The following SEM1 variants were observed in gnomAD, a reference collection of about 807,000 sequenced individuals.
The protein encoded by SEM1 is SEM1 26S proteasome subunit, also known as 26S proteasome complex subunit SEM1.
A neutral mutation model predicts 12.7 loss-of-function variants in SEM1; 3 were observed. That is an observed-to-expected ratio of 0.24 (90% CI 0.11 to 0.61). The LOEUF (loss-of-function observed/expected upper bound fraction) is 0.61. SEM1 is among the 20% of genes least tolerant of loss of function. SEM1 has a pLI of 0.88. For synonymous variants in SEM1, 30 were observed against 27.8 expected (o/e 1.08, Z -0.25); for missense variants, 59 against 81.3 (o/e 0.73, Z 1.06).
At chr7:96,668,926 C>A (rs1789238421), downstream of SEM1, among the ~76,000 whole-genome samples, 1 of 152,096 alleles carries the variant, frequency 6.6e-6, no homozygotes, top group Non-Finnish European at 1.5e-5. Flanking sequence ...GGGAGAATGC[C>A]ATGGGACAAC....
At chr7:96,691,518 A>G (rs10278521) in intron 2 of SEM1, among the ~76,000 whole-genome samples, 21,993 of 152,254 alleles carry the variant, frequency 0.14, 2,782 homozygotes, top group African/African-American at 0.34. Context: ...GATTCACACT[A>G]GAGTCTGAGA....
chr7:96,667,597 T>G (rs1484890325), intron 2 of SEM1, among the ~76,000 whole-genome samples: 1 of 151,976 alleles, frequency 6.6e-6, no homozygotes, highest in Non-Finnish European at 1.5e-5. Flanking sequence ...CGCTGGAGGT[T>G]CATTCAGGGA....
At chr7:96,629,628 G>T in intron 2 of SEM1, among the ~76,000 whole-genome samples, 1 of 152,046 alleles carries the variant, frequency 6.6e-6, no homozygotes, top group Non-Finnish European at 1.5e-5. Context: ...CTCCAGGATT[G>T]GTCCCTAGTG....
At chr7:96,624,671 C>T (rs1417609849) in intron 2 of SEM1, among the ~76,000 whole-genome samples, 4 of 152,042 alleles carry the variant, frequency 2.6e-5, no homozygotes, top group Non-Finnish European at 4.4e-5. Flanking sequence ...TCAGGATGTC[C>T]CCTTCCAACA....
intron 1 of SEM1, among the ~76,000 whole-genome samples, chr7:96,492,905 TTCAAA>T (rs1239651410): frequency 2.0e-5 from 3 of 152,078 alleles, no homozygotes; most frequent in Non-Finnish European, 4.4e-5. Flanking sequence ...CAAATATCTG[TTCAAA>T]TCCCTACTTT....
At chr7:96,704,920 G>A (rs191823640) in intron 1 of SEM1, among the ~76,000 whole-genome samples, 3 of 152,224 alleles carry the variant, frequency 2.0e-5, no homozygotes, top group African/African-American at 2.4e-5. Context: ...GTTCTTCCTC[G>A]TGCAGGCACA....
intron 2 of SEM1, among the ~76,000 whole-genome samples, chr7:96,689,270 T>C (rs1789855541): frequency 6.6e-6 from 1 of 152,172 alleles, no homozygotes; most frequent in East Asian, 1.9e-4. Flanking sequence ...ACTTTCCAAA[T>C]GCTATATGAA....
chr7:96,584,842 T>C (rs189867635), intron 2 of SEM1, among the ~76,000 whole-genome samples: 5 of 151,482 alleles, frequency 3.3e-5, no homozygotes, highest in Admixed American at 6.6e-5. Context: ...CACTTCTCTG[T>C]ATTGATTATT....
intron 2 of SEM1, among the ~76,000 whole-genome samples, chr7:96,507,463 T>A (rs1803790189): frequency 6.6e-6 from 1 of 151,780 alleles, no homozygotes; most frequent in Non-Finnish European, 1.5e-5. Flanking sequence ...ACATAACCAG[T>A]CTCCAACCTT....
At chr7:96,639,285 C>A (rs1355810159) in intron 2 of SEM1, among the ~76,000 whole-genome samples, 1 of 151,916 alleles carries the variant, frequency 6.6e-6, no homozygotes, top group East Asian at 1.9e-4. Flanking sequence ...TGAAAAAGAA[C>A]TAGAGAAGAA....
At chr7:96,647,380 T>C (rs1353591390) in intron 2 of SEM1, 1 of 152,216 alleles carries the variant, frequency 6.6e-6, no homozygotes, top group Admixed American at 6.5e-5. Flanking sequence ...CTTATCATAT[T>C]ATGAGACAAG....
In SEM1 at chr7:96,676,616, A is replaced by G. The variant is rs185922407; in HGVS notation, c.171-2757T>C. Among the ~76,000 whole-genome samples the G allele has an allele frequency of 1.9e-3, 287 of 152,316 alleles. 2 individuals carry two copies. The highest frequency in any genetic ancestry group is 2.1e-3 in the Non-Finnish European group (142 of 68,034). ...TTTCCTACAAGCTACATTTCTGCCA[A>G]TTTTATTGAGAGATATCACGGAACG... On this transcript the variant is annotated intron_variant, in intron 2 of 2. Coordinates refer to the SEM1 transcript ENST00000413065.
chr7:96,594,687 A>G (rs1055054896), intron 2 of SEM1, among the ~76,000 whole-genome samples: 4 of 152,220 alleles, frequency 2.6e-5, no homozygotes, highest in Non-Finnish European at 5.9e-5. Flanking sequence ...ATGTTTTGAA[A>G]TGCTTTAATA....
At chr7:96,522,722 A>AC (rs112781467) in intron 2 of SEM1, among the ~76,000 whole-genome samples, 35,662 of 119,518 alleles carry the variant, frequency 0.3, 5,064 homozygotes, top group Non-Finnish European at 0.36. Flanking sequence ...TACTAAAAAT[A>AC]CCCCCCCCCC....
At chr7:96,603,982 G>T (rs1307536181) in intron 2 of SEM1, among the ~76,000 whole-genome samples, 2 of 151,462 alleles carry the variant, frequency 1.3e-5, no homozygotes, top group Non-Finnish European at 2.9e-5. Context: ...CTTCATAACA[G>T]AATAAAAATA....
upstream of SEM1, among the ~76,000 whole-genome samples, chr7:96,497,792 T>G (rs1803350492): frequency 6.6e-6 from 1 of 152,064 alleles, no homozygotes; most frequent in African/African-American, 2.4e-5. Context: ...TTGCACCAGT[T>G]TAATGACCAA....
chr7:96,670,009 G>A (rs925723388), downstream of SEM1, among the ~76,000 whole-genome samples: 8 of 152,084 alleles, frequency 5.3e-5, no homozygotes, highest in Non-Finnish European at 8.8e-5. Context: ...CATGCCTGAG[G>A]CAACATGACT....
chr7:96,620,998 C>T (rs1301651277), downstream of SEM1, among the ~76,000 whole-genome samples: 7 of 152,098 alleles, frequency 4.6e-5, no homozygotes, highest in East Asian at 1.9e-4. Flanking sequence ...TCTTCCAGGA[C>T]GCCCTCTGAG....
chr7:96,559,447 A>G (rs927464336), intron 2 of SEM1, among the ~76,000 whole-genome samples: 3 of 151,942 alleles, frequency 2.0e-5, no homozygotes, highest in Non-Finnish European at 4.4e-5. Context: ...ACACCTGGCT[A>G]ATTTTTTGTA....
Sources: allele counts gnomAD v4.1 joint callset (sites outside exome capture counted in the v4.1 genomes callset), GRCh38; gene constraint gnomAD v4.1.1; transcripts MANE v1.5; gene names NCBI Gene and HGNC (gene_info 2026-07-23, HGNC 2026-07-21).